EYA4: variants seen among roughly 807,000 people sequenced by gnomAD.
EYA4 encodes the protein protein phosphatase EYA4.
A neutral mutation model predicts 87.9 loss-of-function variants in EYA4; 31 were observed. That is an observed-to-expected ratio of 0.35 (90% confidence interval 0.27 to 0.48). The LOEUF (loss-of-function observed/expected upper bound fraction) is 0.48, where lower values mean the gene tolerates loss of function less well. Among genes scored for constraint, EYA4 ranks in the 20% least tolerant of loss-of-function variants. The probability of loss-of-function intolerance (pLI) is 0.99; values close to 1 mark genes in which losing one functional copy is unlikely to be tolerated. For missense variants in EYA4, 678 were observed against 761.4 expected (o/e 0.89, Z 1.29); for synonymous variants, 263 against 270.6 (o/e 0.97, Z 0.28).
At chr6:133,405,884 T>G (rs1029754784) in intron 3 of EYA4, among the ~76,000 whole-genome samples, 1 of 152,056 alleles carries the variant, frequency 6.6e-6, no homozygotes, top group Non-Finnish European at 1.5e-5. Flanking sequence ...GTCATGCAGC[T>G]GTCTGGGAGA....
intron 19 of EYA4, among the ~76,000 whole-genome samples, chr6:133,527,060 G>A (rs571307535): frequency 1.4e-4 from 22 of 152,270 alleles, no homozygotes; most frequent in Admixed American, 7.8e-4. Flanking sequence ...GGAGGGAAAC[G>A]CATAACCCTG....
At chr6:133,411,463 T>C (rs1789224735) in intron 3 of EYA4, among the ~76,000 whole-genome samples, 1 of 152,148 alleles carries the variant, frequency 6.6e-6, no homozygotes, top group Admixed American at 6.5e-5. Context: ...ATACTCAATT[T>C]ATTAAACTAA....
chr6:133,505,818 G>A (rs189581980), intron 13 of EYA4, among the ~76,000 whole-genome samples: 1 of 152,132 alleles, frequency 6.6e-6, no homozygotes, highest in Non-Finnish European at 1.5e-5. Flanking sequence ...TGGGTCATAT[G>A]AACTAGCTGA....
chr6:133,443,797 G>A (rs968139176), intron 3 of EYA4, among the ~76,000 whole-genome samples: 1 of 151,896 alleles, frequency 6.6e-6, no homozygotes, highest in Non-Finnish European at 1.5e-5. Context: ...TGGAAGTGTA[G>A]TGTTTAATTT....
intron 13 of EYA4, among the ~76,000 whole-genome samples, chr6:133,483,739 T>TATTATC (rs59649373): frequency 1.4e-5 from 2 of 147,788 alleles, no homozygotes; most frequent in East Asian, 3.9e-4. Context: ...TTATTATTAT[T>TATTATC]TTGAGACAAA....
intron 3 of EYA4, among the ~76,000 whole-genome samples, chr6:133,416,440 A>G (rs1038774409): frequency 2.6e-5 from 4 of 152,178 alleles, no homozygotes; most frequent in East Asian, 1.9e-4. Flanking sequence ...ATAACTGTCT[A>G]TATTGATCAA....
intron 1 of EYA4, among the ~76,000 whole-genome samples, chr6:133,256,838 G>C (rs187561906): frequency 6.6e-6 from 1 of 151,862 alleles, no homozygotes; most frequent in Non-Finnish European, 1.5e-5. Flanking sequence ...TGTAGTTTTT[G>C]GTTAAGATTT....
chr6:133,497,723 G>A (rs1048822792), intron 13 of EYA4, among the ~76,000 whole-genome samples: 1 of 152,092 alleles, frequency 6.6e-6, no homozygotes. Flanking sequence ...TTCAGGGGAG[G>A]GTGAAGAAAG....
At chr6:133,264,352 G>C (rs554865061) in intron 1 of EYA4, among the ~76,000 whole-genome samples, 2 of 152,176 alleles carry the variant, frequency 1.3e-5, no homozygotes, top group African/African-American at 4.8e-5. Flanking sequence ...CTGAGGACAG[G>C]GTAAAGCTCT....
At chr6:133,331,027 GTTTTTTTTTT>G (rs71636692) in intron 2 of EYA4, among the ~76,000 whole-genome samples, 1 of 113,690 alleles carries the variant, frequency 8.8e-6, no homozygotes, top group Non-Finnish European at 1.7e-5. Context: ...AACCAAACGG[GTTTTTTTTTT>G]TTTTTTTTTT....
At chr6:133,347,272 T>C (rs1450014942) in intron 2 of EYA4, among the ~76,000 whole-genome samples, 4 of 152,244 alleles carry the variant, frequency 2.6e-5, no homozygotes, top group African/African-American at 9.6e-5. Context: ...GTGTTTGCTT[T>C]CATATGCTTT....
At chr6:133,449,719 A>G (rs1393626892) in intron 5 of EYA4, among the ~76,000 whole-genome samples, 1 of 152,226 alleles carries the variant, frequency 6.6e-6, no homozygotes. Context: ...TTTGTCTTAG[A>G]TAATGTATAT....
chr6:133,478,423 GGATACAGTGTAATA>G (rs1302835503), intron 11 of EYA4, among the ~76,000 whole-genome samples: 2 of 149,158 alleles, frequency 1.3e-5, no homozygotes, highest in African/African-American at 4.9e-5. Context: ...TCAACAGAAT[GGATACAGTGTAATA>G]GATACAGTGT....
At chr6:133,252,515 A>G (rs1025157902) in intron 1 of EYA4, among the ~76,000 whole-genome samples, 2 of 152,194 alleles carry the variant, frequency 1.3e-5, no homozygotes, top group East Asian at 1.9e-4. Flanking sequence ...CTATGAAATG[A>G]TATATAATTG....
chr6:133,286,805 A>G (rs1014627976), intron 2 of EYA4, among the ~76,000 whole-genome samples: 2 of 152,182 alleles, frequency 1.3e-5, no homozygotes, highest in African/African-American at 4.8e-5. Flanking sequence ...TGTAGATGTG[A>G]TGTTTCTAGG....
At chr6:133,425,639 G>A (rs756597088) in intron 3 of EYA4, among the ~76,000 whole-genome samples, 5 of 150,666 alleles carry the variant, frequency 3.3e-5, no homozygotes, top group Non-Finnish European at 7.3e-5. Context: ...TAGTTTCCAA[G>A]TTCTGGTTAT....
intron 13 of EYA4, among the ~76,000 whole-genome samples, chr6:133,484,520 A>G (rs1038965606): frequency 1.3e-5 from 2 of 152,216 alleles, no homozygotes; most frequent in African/African-American, 4.8e-5. Context: ...TTTAACAACC[A>G]TTTACAAGAA....
chr6:133,383,288 G>A (rs2128482076), intron 3 of EYA4, among the ~76,000 whole-genome samples: 1 of 152,202 alleles, frequency 6.6e-6, no homozygotes, highest in East Asian at 1.9e-4. Context: ...GCCAAGGTGG[G>A]TGGATCACCT....
rs1562506099 is a variant in EYA4 at position 133,513,001 on chromosome 6, A to G, written c.1464A>G (p.Val488=). 3 of 1,614,120 alleles carry G rather than the reference A, an allele frequency of 1.9e-6. No homozygotes were observed. Among genetic ancestry groups the G allele is most frequent in the Non-Finnish European group, 2.5e-6 (3 of 1,180,002 alleles). Residue 488 remains valine (V), a synonymous_variant, in exon 16 of 20, where the codon GTA becomes GTG. Coordinates refer to ENST00000355286, the MANE Select transcript of EYA4 (RefSeq NM_004100.5). ...MRKLAFRYRR[V]KELYNTYKNN... is the part of the protein sequence containing the mutation. ...AGTTGGCTTTTCGTTACAGAAGAGTAAAAGAATTATATAACACCTACAAGA... is the reference window on the plus strand; with the variant it reads ...AGTTGGCTTTTCGTTACAGAAGAGTGAAAGAATTATATAACACCTACAAGA...
Sources: gnomAD v4.1 joint callset for allele counts (sites outside exome capture counted in the v4.1 genomes callset) on GRCh38, gnomAD v4.1.1 for gene constraint, MANE v1.5 for transcripts, NCBI Gene and HGNC (gene_info 2026-07-23, HGNC 2026-07-21) for gene names.